Variants in MZT2B observed in about 807,000 individuals in gnomAD.
MZT2B encodes mitotic spindle organizing protein 2B.
A neutral mutation model predicts 12.1 loss-of-function variants in MZT2B; 11 were observed. That is an observed-to-expected ratio of 0.91 (90% CI 0.57 to 1.50). MZT2B has a LOEUF of 1.50. Ranked by LOEUF, MZT2B falls within the 40% of genes most tolerant of loss-of-function variation. The pLI, the probability that MZT2B is intolerant of heterozygous loss-of-function variation, is 0.00. For synonymous variants in MZT2B, 85 were observed against 109.5 expected (o/e 0.78, Z 1.40); for missense variants, 209 against 227.7 (o/e 0.92, Z 0.53).
At chr2:130,200,093 C>CT in the MZT2B span, among the ~76,000 whole-genome samples, 3 of 146,580 alleles carry the variant, frequency 2.0e-5, no homozygotes, top group African/African-American at 7.6e-5. Flanking sequence ...AAAACTCCAT[C>CT]TCAAAAAAAA....
At chr2:130,191,556 A>G (rs1463864207), downstream of MZT2B, among the ~76,000 whole-genome samples, 1 of 152,172 alleles carries the variant, frequency 6.6e-6, no homozygotes, top group Admixed American at 6.5e-5. Flanking sequence ...CTATACATTG[A>G]ACGCCTGGCT....
At chr2:130,190,440 C>T in intron 2 of MZT2B, 29 bp from the exon 3 acceptor site, 1 of 1,609,938 alleles carries the variant, frequency 6.2e-7, no homozygotes. Context: ...CACGCCCATT[C>T]CTAATCATTG....
At chr2:130,183,663 G>T (rs1467078989) in intron 2 of MZT2B, 19 of 1,494,156 alleles carry the variant, frequency 1.3e-5, no homozygotes, top group African/African-American at 5.6e-5. Flanking sequence ...CTGCCTTCAT[G>T]GGGGGAGTGC....
At chr2:130,196,794 A>C in the MZT2B span, among the ~76,000 whole-genome samples, 1 of 152,196 alleles carries the variant, frequency 6.6e-6, no homozygotes, top group Non-Finnish European at 1.5e-5. Flanking sequence ...GTCCAAGCCC[A>C]GGTGCTCAGT....
chr2:130,185,823 G>A (rs1179807871), intron 2 of MZT2B, among the ~76,000 whole-genome samples: 1 of 152,146 alleles, frequency 6.6e-6, no homozygotes, highest in Non-Finnish European at 1.5e-5. Flanking sequence ...GACAGGAGTG[G>A]CCTGGAGTGC....
upstream of MZT2B, chr2:130,181,706 G>A: frequency 6.5e-7 from 1 of 1,548,514 alleles, no homozygotes; most frequent in Non-Finnish European, 8.7e-7. Context: ...GGCCGGCCGG[G>A]CGGGGAAGAG....
downstream of MZT2B, chr2:130,192,099 A>G (rs984601169): frequency 6.2e-7 from 1 of 1,603,952 alleles, no homozygotes; most frequent in East Asian, 2.2e-5. Context: ...CCCGGGGACC[A>G]CTGTGGGGGG....
At chr2:130,197,765 C>T in the MZT2B span, among the ~76,000 whole-genome samples, 7 of 122,930 alleles carry the variant, frequency 5.7e-5, 1 homozygote, top group African/African-American at 2.0e-4. Flanking sequence ...CATCACCATG[C>T]CCGGGTAATT....
the MZT2B span, among the ~76,000 whole-genome samples, chr2:130,197,379 C>T: frequency 0.013 from 1,017 of 79,038 alleles, 14 homozygotes; most frequent in Admixed American, 0.016. Context: ...ACCAGCTACT[C>T]GGAAGGCTGA....
chr2:130,196,397 C>A, the MZT2B span: 2 of 1,602,720 alleles, frequency 1.2e-6, no homozygotes, highest in South Asian at 2.2e-5. Context: ...TAAATGTGAA[C>A]CCATTCATTT....
chr2:130,186,302 C>T (rs1338397684), intron 2 of MZT2B, among the ~76,000 whole-genome samples: 8 of 152,098 alleles, frequency 5.3e-5, no homozygotes. Context: ...CCCAGCCATC[C>T]AGACAGCCTG....
the MZT2B span, among the ~76,000 whole-genome samples, chr2:130,198,931 C>T: frequency 8.0e-6 from 1 of 124,422 alleles, no homozygotes; most frequent in African/African-American, 2.9e-5. Context: ...AGAAAACGGG[C>T]CGGGCGCGAT....
In MZT2B at chr2:130,182,402, G is replaced by A. The variant is rs1477324998; in HGVS notation, c.120G>A (p.Leu40=). ...KKVLSTEEME[L]YELAQAAGGA... ...TGCTGAGCACCGAGGAGATGGAGCT[G>A]TACGAGCTGGCGCAGGCGGCGGGCG... Residue 40 remains leucine, a synonymous_variant, in exon 1 of 3, where the codon CTG becomes CTA. Coordinates refer to ENST00000281871, the MANE Select transcript of MZT2B (RefSeq NM_025029.5). The A allele has an allele frequency of 6.4e-7, 1 of 1,564,218 alleles. No individual in the cohort carries two copies. Among genetic ancestry groups the A allele is most frequent in the Non-Finnish European group, 8.6e-7 (1 of 1,157,976 alleles).
downstream of MZT2B, chr2:130,195,009 T>C (rs1690369008): frequency 6.3e-7 from 1 of 1,588,980 alleles, no homozygotes; most frequent in Non-Finnish European, 8.6e-7. Context: ...ATAAAATGAC[T>C]TCCCTTTCAC....
At chr2:130,200,876 G>A in the MZT2B span, among the ~76,000 whole-genome samples, 2 of 152,248 alleles carry the variant, frequency 1.3e-5, no homozygotes, top group African/African-American at 2.4e-5. Flanking sequence ...ACAGGTGTGT[G>A]ATTCTTCCCA....
chr2:130,183,623 C>A, intron 2 of MZT2B: 2 of 1,202,350 alleles, frequency 1.7e-6, no homozygotes, highest in Non-Finnish European at 1.2e-6. Context: ...GAGACCCGCA[C>A]AGGCATCCTG....
downstream of MZT2B, chr2:130,191,905 C>A: frequency 4.3e-6 from 7 of 1,614,146 alleles, no homozygotes; most frequent in South Asian, 1.1e-5. Context: ...TTCTCTAGAG[C>A]TGCCAGGTCC....
At chr2:130,190,320 C>G in intron 2 of MZT2B, 149 bp from the exon 3 acceptor site, 1 of 1,265,470 alleles carries the variant, frequency 7.9e-7, no homozygotes, top group Non-Finnish European at 1.1e-6. Context: ...TTCTGAGTCT[C>G]AGGACTTGGG....
At chr2:130,192,689 G>T (rs1690295501), downstream of MZT2B, among the ~76,000 whole-genome samples, 1 of 152,200 alleles carries the variant, frequency 6.6e-6, no homozygotes, top group South Asian at 2.1e-4. Flanking sequence ...TTCCAAGGTG[G>T]TAACCAAAGG....
Sources: gnomAD v4.1 joint callset for allele counts (sites outside exome capture counted in the v4.1 genomes callset) on GRCh38, gnomAD v4.1.1 for gene constraint, MANE v1.5 for transcripts, NCBI Gene and HGNC (gene_info 2026-07-23, HGNC 2026-07-21) for gene names.